Variants in ROBO2 observed in about 807,000 individuals in gnomAD.
The protein encoded by ROBO2 is roundabout guidance receptor 2.
In ROBO2, 53 loss-of-function variants were observed where a neutral mutation model predicts 160.8. That is an observed-to-expected ratio of 0.33 (90% confidence interval 0.26 to 0.41). The LOEUF (loss-of-function observed/expected upper bound fraction) is 0.41. Ranked by LOEUF, ROBO2 falls within the 10% of genes least tolerant of loss-of-function variation. ROBO2 has a pLI of 1.00. For missense variants in ROBO2, 1,577 were observed against 1,722.4 expected (o/e 0.92, Z 1.49); for synonymous variants, 664 against 611.7 (o/e 1.09, Z -1.26).
At chr3:77,078,856 T>G (rs1280900826) in intron 1 of ROBO2, among the ~76,000 whole-genome samples, 1 of 152,216 alleles carries the variant, frequency 6.6e-6, no homozygotes, top group Non-Finnish European at 1.5e-5. Context: ...TCTAGTTAGT[T>G]TGAACACTCA....
intron 6 of ROBO2, among the ~76,000 whole-genome samples, chr3:77,540,512 G>T (rs1012100118): frequency 6.6e-6 from 1 of 151,114 alleles, no homozygotes; most frequent in African/African-American, 2.4e-5. Context: ...AGTGGAAGCT[G>T]AACAATGTGA....
intron 2 of ROBO2, among the ~76,000 whole-genome samples, chr3:77,153,629 T>C (rs369305536): frequency 4.6e-5 from 7 of 152,154 alleles, no homozygotes; most frequent in East Asian, 1.9e-4. Context: ...TGGAAAAAGA[T>C]GTCTCCTTAC....
chr3:77,136,476 A>G (rs2150389280), intron 2 of ROBO2, among the ~76,000 whole-genome samples: 1 of 118,894 alleles, frequency 8.4e-6, no homozygotes, highest in Non-Finnish European at 1.7e-5. Flanking sequence ...GGCATAAAAT[A>G]TGCTTTTTTT....
chr3:77,168,132 G>A (rs2079272683), intron 2 of ROBO2, among the ~76,000 whole-genome samples: 1 of 152,212 alleles, frequency 6.6e-6, no homozygotes, highest in Non-Finnish European at 1.5e-5. Context: ...AGCTGAGGGT[G>A]CCGTGAACTC....
intron 20 of ROBO2, among the ~76,000 whole-genome samples, chr3:77,604,589 T>C (rs2153694055): frequency 6.6e-6 from 1 of 152,296 alleles, no homozygotes; most frequent in African/African-American, 2.4e-5. Flanking sequence ...TATTAACTAC[T>C]TCATCTACAT....
chr3:76,725,503 C>T (rs1276374910), intron 2 of ROBO2, among the ~76,000 whole-genome samples: 4 of 152,120 alleles, frequency 2.6e-5, no homozygotes, highest in Non-Finnish European at 5.9e-5. Flanking sequence ...AAAATTTTTT[C>T]TGGTTTGCTA....
At chr3:77,280,281 T>G (rs1476508879) in intron 2 of ROBO2, among the ~76,000 whole-genome samples, 1 of 152,222 alleles carries the variant, frequency 6.6e-6, no homozygotes, top group Admixed American at 6.5e-5. Context: ...TATTTTCCCT[T>G]GATGAATTCC....
chr3:76,260,232 A>T (rs1385457254), intron 2 of ROBO2, among the ~76,000 whole-genome samples: 1 of 152,138 alleles, frequency 6.6e-6, no homozygotes, highest in Non-Finnish European at 1.5e-5. Flanking sequence ...TTCTAGAGAG[A>T]TGCAGTCACT....
chr3:77,436,194 G>A lies in ROBO2; in HGVS notation c.389-41220G>A, dbSNP rs886520356. ...AGATTTTGAAAATCAGATATATTGG[G>A]CTGATGAGAGATTGAGAGATGGAAG... On this transcript the variant is annotated intron_variant, in intron 2 of 25. Transcript: ENST00000461745. 8.6e-5 allele frequency among the ~76,000 whole-genome samples: 13 copies of A among 151,466 alleles called. No homozygotes were observed. In the South Asian group the frequency reaches 2.7e-3, roughly 32 times the overall value.
intron 2 of ROBO2, among the ~76,000 whole-genome samples, chr3:75,952,784 A>ATC (rs1296029056): frequency 6.6e-6 from 1 of 151,868 alleles, no homozygotes; most frequent in East Asian, 1.9e-4. Context: ...TCCTTGCTCC[A>ATC]TCTATTCATC....
intron 2 of ROBO2, among the ~76,000 whole-genome samples, chr3:76,640,620 TG>T (rs2090624426): frequency 6.6e-6 from 1 of 151,846 alleles, no homozygotes; most frequent in South Asian, 2.1e-4. Context: ...TGTGTGTGTG[TG>T]TGTGTGTGGC....
At chr3:76,486,750 T>C (rs2079520047) in intron 2 of ROBO2, among the ~76,000 whole-genome samples, 1 of 152,194 alleles carries the variant, frequency 6.6e-6, no homozygotes, top group Admixed American at 6.6e-5. Context: ...TAATACTTTT[T>C]CTCAGAAACA....
chr3:76,186,181 C>A (rs1701755096), intron 2 of ROBO2, among the ~76,000 whole-genome samples: 1 of 151,970 alleles, frequency 6.6e-6, no homozygotes, highest in African/African-American at 2.4e-5. Flanking sequence ...AATCCACCCA[C>A]CTCAGCCTCC....
At chr3:77,538,979 A>G (rs1479620994) in intron 6 of ROBO2, 1 of 417,058 alleles carries the variant, frequency 2.4e-6, no homozygotes. Context: ...CAGTGGCACA[A>G]CAATCTCGGC....
intron 2 of ROBO2, among the ~76,000 whole-genome samples, chr3:76,189,870 G>T (rs1701928473): frequency 6.6e-6 from 1 of 152,056 alleles, no homozygotes. Context: ...AGAAACTGAG[G>T]TTTCGAAGGA....
chr3:75,953,444 C>T (rs1236677530), intron 2 of ROBO2, among the ~76,000 whole-genome samples: 1 of 151,886 alleles, frequency 6.6e-6, no homozygotes, highest in South Asian at 2.1e-4. Context: ...TTCTTATTTT[C>T]GAGTTCTTTG....
At position 76,394,934 on chromosome 3, in the gene ROBO2, A is replaced by G. The variant is rs531596051; in HGVS notation, c.109+457332A>G. Among the ~76,000 whole-genome samples, 4 of 152,258 alleles carry G rather than the reference A, an allele frequency of 2.6e-5. No homozygotes were observed. In the South Asian group the frequency reaches 8.3e-4, roughly 32 times the overall value. On this transcript the variant is annotated intron_variant, in intron 2 of 26. Coordinates refer to the ROBO2 transcript ENST00000487694. ...CAGATCAACGAGACAGAAAGTCAAC[A>G]AGGATATCCAGGAACTGAACTCAGC...
intron 2 of ROBO2, among the ~76,000 whole-genome samples, chr3:77,466,517 T>C (rs775304560): frequency 6.6e-6 from 1 of 152,166 alleles, no homozygotes; most frequent in Non-Finnish European, 1.5e-5. Context: ...CCAATGGTTA[T>C]GGTTACAAAA....
At chr3:76,744,458 C>T (rs2108094243) in intron 2 of ROBO2, among the ~76,000 whole-genome samples, 1 of 152,232 alleles carries the variant, frequency 6.6e-6, no homozygotes, top group South Asian at 2.1e-4. Context: ...CTCCTGGGCC[C>T]CCATGATCCT....
Sources: gnomAD v4.1 joint callset for allele counts (sites outside exome capture counted in the v4.1 genomes callset) on GRCh38, gnomAD v4.1.1 for gene constraint, MANE v1.5 for transcripts, NCBI Gene and HGNC (gene_info 2026-07-23, HGNC 2026-07-21) for gene names.